Variants in NDUFC1 observed in about 807,000 individuals in gnomAD.
NDUFC1 encodes NADH:ubiquinone oxidoreductase subunit C1.
A neutral mutation model predicts 11.6 loss-of-function variants in NDUFC1; 11 were observed. The ratio of observed to expected loss-of-function variants is 0.95; its 90% CI spans 0.60 to 1.58. The LOEUF (loss-of-function observed/expected upper bound fraction) is 1.58. Ranked by LOEUF, NDUFC1 falls within the 40% of genes most tolerant of loss-of-function variation. The probability of loss-of-function intolerance (pLI) is 0.00; values close to 1 mark genes in which losing one functional copy is unlikely to be tolerated. For missense variants in NDUFC1, 112 were observed against 93.0 expected, an observed-to-expected ratio of 1.20 and a Z score of -0.84; for synonymous variants, 52 against 42.2, an observed-to-expected ratio of 1.23 and a Z score of -0.90.
At chr4:139,299,462 A>G (rs908836708) in intron 1 of NDUFC1, among the ~76,000 whole-genome samples, 1 of 152,180 alleles carries the variant, frequency 6.6e-6, no homozygotes. Context: ...AGTGACATGC[A>G]AGCACATGGG....
rs1363604736 is a variant in NDUFC1 at position 139,296,193 on chromosome 4, GT to G, written c.-162-234del. On this transcript the variant is annotated intron_variant, in intron 2 of 5. Transcript: ENST00000394223. ...ATGTATCATATGGTTTACATTCATTGTCTTATTTCATCTTCAAAACGAGCAC... is the reference window on the plus strand; with the variant it reads ...ATGTATCATATGGTTTACATTCATTGCTTATTTCATCTTCAAAACGAGCAC... 3 of 186,242 alleles carry G rather than the reference GT, an allele frequency of 1.6e-5. No homozygotes were observed. In the East Asian group the frequency reaches 4.5e-4, roughly 28 times the overall value. The allele number at this position is 186,242 out of a possible 1,614,324, so 11.5% of individuals were successfully genotyped here. A position where few individuals can be genotyped will look rare whatever the true frequency, so the allele number is the denominator to read the frequency against.
chr4:139,290,006 T>C lies in NDUFC1; in HGVS notation c.*107A>G, dbSNP rs1248637690. On this transcript the variant is annotated 3_prime_UTR_variant, in exon 6 of 6. Transcript: ENST00000394223. ...AAAATACAAATGCTGGCTTGATATA[T>C]ATTCACATATAACTTTTTCTCTCAC... 2 of 152,164 alleles carry C rather than the reference T, an allele frequency of 1.3e-5. No homozygotes were observed. The highest frequency in any genetic ancestry group is 3.8e-4 in the East Asian group (2 of 5,200). The allele number at this position is 152,164 out of a possible 1,614,324, so 9.4% of individuals were successfully genotyped here.
chr4:139,291,753 C>T (rs78643054), intron 5 of NDUFC1, among the ~76,000 whole-genome samples: 2,660 of 152,008 alleles, frequency 0.017, 30 homozygotes, highest in Admixed American at 0.028. Flanking sequence ...AATACACACA[C>T]GAAGAATAAT....
chr4:139,291,709 C>T (rs943027680), intron 5 of NDUFC1, among the ~76,000 whole-genome samples: 1 of 152,190 alleles, frequency 6.6e-6, no homozygotes, highest in Non-Finnish European at 1.5e-5. Context: ...GGAATTCACA[C>T]TCAAGTGTAC....
At chr4:139,300,372 G>T (rs181477685) in intron 1 of NDUFC1, among the ~76,000 whole-genome samples, 1 of 152,282 alleles carries the variant, frequency 6.6e-6, no homozygotes, top group East Asian at 1.9e-4. Flanking sequence ...ACAGTTAAGA[G>T]AAGTTTGAAA....
At position 139,292,340 on chromosome 4, in the gene NDUFC1, T is replaced by C. The variant is rs6826290; in HGVS notation, c.*20+190A>G. 0.53 allele frequency among the ~76,000 whole-genome samples: 78,875 copies of C among 148,486 alleles called. 23,043 individuals are homozygous for C. The highest frequency in any genetic ancestry group is 0.79 in the African/African-American group (31,986 of 40,472). On this transcript the variant is annotated intron_variant, in intron 5 of 5. Coordinates refer to ENST00000394223, the MANE Select transcript of NDUFC1 (RefSeq NM_001184989.2). ...CAAACAACAAACAAAAAAAACCCCA[T>C]CCCCCCCAAAACAAAACCAACTGCT...
chr4:139,301,323 G>C (rs980218500), intron 1 of NDUFC1: 1 of 399,384 alleles, frequency 2.5e-6, no homozygotes, highest in Non-Finnish European at 4.4e-6. Flanking sequence ...GGCGCTTCGA[G>C]GGTACCACGC....
intron 1 of NDUFC1, chr4:139,301,899 C>G: frequency 2.7e-6 from 4 of 1,508,674 alleles, no homozygotes; most frequent in South Asian, 2.5e-5. Flanking sequence ...CACCCCTAAC[C>G]TCGGCCCGGC....
chr4:139,301,603 C>T, intron 1 of NDUFC1: 1 of 666,136 alleles, frequency 1.5e-6, no homozygotes, highest in Non-Finnish European at 2.5e-6. Flanking sequence ...GGAAAAAAGA[C>T]AACGAGGAAA....
intron 4 of NDUFC1, among the ~76,000 whole-genome samples, chr4:139,293,601 G>A (rs1351960308): frequency 6.6e-6 from 1 of 152,126 alleles, no homozygotes; most frequent in Admixed American, 6.6e-5. Context: ...CCCTTTCCAA[G>A]TCAAAAATCT....
intron 2 of NDUFC1, among the ~76,000 whole-genome samples, chr4:139,296,522 G>A (rs1409808665): frequency 6.6e-6 from 1 of 152,128 alleles, no homozygotes; most frequent in Non-Finnish European, 1.5e-5. Flanking sequence ...TAGAATCAGC[G>A]TTCAAAGCCA....
In NDUFC1 at chr4:139,292,574, G is replaced by A; in HGVS notation, c.207C>T (p.Tyr69=). The A allele has an allele frequency of 6.4e-7, 1 of 1,564,258 alleles. No homozygotes were observed. Among genetic ancestry groups the A allele is most frequent in the Non-Finnish European group, 8.7e-7 (1 of 1,143,056 alleles). ...TTTATTCCAGCCCATTTCTTCTTTTGTACTCTAAAATATCTTCATTGTGTT... is the reference window on the plus strand; with the variant it reads ...TTTATTCCAGCCCATTTCTTCTTTTATACTCTAAAATATCTTCATTGTGTT... The part of the protein sequence containing the change: ...IKQHNEDILE[Y]KRRNGLE The change falls in exon 5 of 6, where the codon TAC becomes TAT. Residue 69 remains tyrosine, a synonymous_variant. Transcript: ENST00000394223.
At chr4:139,294,026 C>A (rs1745349266) in intron 4 of NDUFC1, among the ~76,000 whole-genome samples, 1 of 149,508 alleles carries the variant, frequency 6.7e-6, no homozygotes. Flanking sequence ...ACTGCAAGCT[C>A]CACCTCCCGG....
chr4:139,296,342 C>G (rs1282762287), intron 2 of NDUFC1: 2 of 152,770 alleles, frequency 1.3e-5, no homozygotes, highest in African/African-American at 4.8e-5. Context: ...CACTTACACT[C>G]ACGATCATAC....
chr4:139,295,823 C>T lies in NDUFC1; in HGVS notation c.-25G>A. ...TCTTGCGTGGCCCAGCTCAGTCTCT[C>T]CGAGTTGGCAACAGAACCAGCGCCA... is the stretch of plus-strand genomic sequence containing the variant. On this transcript the variant is annotated 5_prime_UTR_variant, in exon 3 of 6. Transcript: ENST00000394223. 4 of 1,543,850 alleles carry T rather than the reference C, an allele frequency of 2.6e-6. No individual in the cohort carries two copies. The highest frequency in any genetic ancestry group is 3.5e-6 in the Non-Finnish European group (4 of 1,144,360).
chr4:139,302,059 G>C, intron 1 of NDUFC1: 1 of 430,948 alleles, frequency 2.3e-6, no homozygotes, highest in East Asian at 3.6e-5. Flanking sequence ...TGAGGCCCTG[G>C]TTCCGGACTA....
chr4:139,292,058 TG>T (rs1466727594), intron 5 of NDUFC1, among the ~76,000 whole-genome samples: 2 of 152,128 alleles, frequency 1.3e-5, no homozygotes, highest in Non-Finnish European at 2.9e-5. Flanking sequence ...AGGATGGTCT[TG>T]ATCTCCTGAC....
In NDUFC1 at chr4:139,295,923, C is replaced by T; in HGVS notation, c.-125G>A. 1.1e-6 allele frequency: 1 copy of T among 933,296 alleles called. No homozygotes were observed. The highest frequency in any genetic ancestry group is 3.0e-5 in the Admixed American group (1 of 33,840). 57.8% of individuals were successfully genotyped at this position (933,296 alleles called of 1,614,324 possible). On this transcript the variant is annotated 5_prime_UTR_variant, in exon 3 of 6. It adds an upstream start codon to the 5' untranslated region. Transcript: ENST00000394223. Reference sequence around the variant, plus strand: ...GGGGGCGTCAACGTGAATTCCAGCACGGCAAGGTTCTCTAGCACCCCGGCC... The same window carrying T: ...GGGGGCGTCAACGTGAATTCCAGCATGGCAAGGTTCTCTAGCACCCCGGCC...
At chr4:139,292,707 G>A (rs935283419) in intron 4 of NDUFC1, 98 bp from the exon 5 acceptor site, 1 of 721,680 alleles carries the variant, frequency 1.4e-6, no homozygotes, top group African/African-American at 1.8e-5. Context: ...AACTATTCTA[G>A]TTAGAAATAA....
Sources: gnomAD v4.1 joint callset for allele counts (sites outside exome capture counted in the v4.1 genomes callset) on GRCh38, gnomAD v4.1.1 for gene constraint, MANE v1.5 for transcripts, NCBI Gene and HGNC (gene_info 2026-07-23, HGNC 2026-07-21) for gene names.